ZDHHC18: variants seen among roughly 807,000 people sequenced by gnomAD.
The protein encoded by ZDHHC18 is zDHHC palmitoyltransferase 18, also known as palmitoyltransferase ZDHHC18.
Under a neutral mutation model 37.5 loss-of-function variants are expected in ZDHHC18, and 23 were observed. The observed-to-expected ratio is 0.61, with a 90% CI of 0.44 to 0.87. ZDHHC18 has a LOEUF of 0.87. Among genes scored for constraint, ZDHHC18 ranks in the 40% least tolerant of loss-of-function variants. The pLI, the probability that ZDHHC18 is intolerant of heterozygous loss-of-function variation, is 0.00. For missense variants in ZDHHC18, 406 were observed against 525.6 expected, an observed-to-expected ratio of 0.77 and a Z score of 2.22; for synonymous variants, 185 against 218.7, an observed-to-expected ratio of 0.85 and a Z score of 1.36.
intron 1 of ZDHHC18, among the ~76,000 whole-genome samples, chr1:26,831,100 G>A (rs2124246699): frequency 6.6e-6 from 1 of 152,292 alleles, no homozygotes; most frequent in Non-Finnish European, 1.5e-5. Context: ...GTTTTAGTGA[G>A]AGAAAAATAG....
At chr1:26,843,421 G>T (rs944262746) in intron 2 of ZDHHC18, among the ~76,000 whole-genome samples, 1 of 150,978 alleles carries the variant, frequency 6.6e-6, no homozygotes, top group Admixed American at 6.6e-5. Context: ...GATTACAGGC[G>T]TGAGCCACCG....
Position 26,851,127 on chromosome 1 carries a change from A to G in ZDHHC18, c.834-2A>G. The G allele has an allele frequency of 6.2e-7, 1 of 1,613,810 alleles. No individual in the cohort carries two copies. The highest frequency in any genetic ancestry group is 8.5e-7 in the Non-Finnish European group (1 of 1,179,730). ...CCCATTGAAGTCCTTAACTGCCCTCACCGTGCTGGAGTTGGTGATCTGCTT... is the reference window on the plus strand; with the variant it reads ...CCCATTGAAGTCCTTAACTGCCCTCGCCGTGCTGGAGTTGGTGATCTGCTT... On this transcript the variant is annotated splice_acceptor_variant, in intron 5 of 7. Transcript: ENST00000374142. LOFTEE classifies it high-confidence loss of function.
intron 1 of ZDHHC18, 92 bp from the exon 2 acceptor site, chr1:26,832,355 T>G (rs2081591857): frequency 1.3e-6 from 2 of 1,520,158 alleles, no homozygotes; most frequent in Admixed American, 1.9e-5. Context: ...TGGTGGTGGT[T>G]GTTGGAATGA....
rs1490184186 is a variant in ZDHHC18 at position 26,856,199 on chromosome 1, G to A, written c.*2356G>A. 2.2e-6 allele frequency: 1 copy of A among 454,718 alleles called. No individual in the cohort carries two copies. Among genetic ancestry groups the A allele is most frequent in the Non-Finnish European group, 4.4e-6 (1 of 225,740 alleles). The allele number at this position is 454,718 out of a possible 1,614,324, so 28.2% of individuals were successfully genotyped here. A position where few individuals can be genotyped will look rare whatever the true frequency, so the allele number is the denominator to read the frequency against. Reference sequence around the variant, plus strand: ...ATCTCCCTCAGGAGGACACCTGTCAGGATTTTGCCATCTCCTGCACAGCCT... The same window carrying A: ...ATCTCCCTCAGGAGGACACCTGTCAAGATTTTGCCATCTCCTGCACAGCCT... On this transcript the variant is annotated 3_prime_UTR_variant, in exon 8 of 8. Transcript: ENST00000374142. This position sits in a 1 kb window ranked among gnomAD's most constrained non-coding sequence, Gnocchi z 5.2.
intron 2 of ZDHHC18, among the ~76,000 whole-genome samples, chr1:26,842,008 A>C (rs546756547): frequency 6.6e-6 from 1 of 152,028 alleles, no homozygotes; most frequent in Non-Finnish European, 1.5e-5. Context: ...GGTTGCGGGC[A>C]CCTGTAATCC....
chr1:26,834,326 C>G (rs374853415), intron 2 of ZDHHC18, among the ~76,000 whole-genome samples: 1 of 152,208 alleles, frequency 6.6e-6, no homozygotes, highest in East Asian at 1.9e-4. Context: ...CCAGTGAGGG[C>G]GACCCTGTTA....
Position 26,854,130 on chromosome 1 carries a change from G to A in ZDHHC18, c.*287G>A. 1 of 382,458 alleles carries A rather than the reference G, an allele frequency of 2.6e-6. No homozygotes were observed. Among genetic ancestry groups the A allele is most frequent in the Non-Finnish European group, 4.9e-6 (1 of 204,842 alleles). The allele number at this position is 382,458 out of a possible 1,614,324, so 23.7% of individuals were successfully genotyped here. Reference sequence around the variant, plus strand: ...GGGACCACACCAAGTCCTTGCCTGTGCCGGGCGAGCCCTGTGTGAGTGAGG... The same window carrying A: ...GGGACCACACCAAGTCCTTGCCTGTACCGGGCGAGCCCTGTGTGAGTGAGG... On this transcript the variant is annotated 3_prime_UTR_variant, in exon 8 of 8. Coordinates refer to ENST00000374142, the MANE Select transcript of ZDHHC18 (RefSeq NM_032283.3). The surrounding 1 kb of genome is among the most constrained non-coding windows in gnomAD (Gnocchi z 4.6).
At chr1:26,832,944 C>T (rs1470699613) in intron 2 of ZDHHC18, among the ~76,000 whole-genome samples, 1 of 152,220 alleles carries the variant, frequency 6.6e-6, no homozygotes, top group Non-Finnish European at 1.5e-5. Context: ...TTGTCATTCT[C>T]CTTTTACTGA....
chr1:26,849,202 T>C (rs1387548532), intron 3 of ZDHHC18, among the ~76,000 whole-genome samples: 4 of 152,210 alleles, frequency 2.6e-5, no homozygotes, highest in Non-Finnish European at 4.4e-5. Flanking sequence ...GAAAAGCATC[T>C]AGCAACAGAG....
At chr1:26,844,101 G>T (rs1399097407) in intron 2 of ZDHHC18, among the ~76,000 whole-genome samples, 1 of 152,014 alleles carries the variant, frequency 6.6e-6, no homozygotes, top group Non-Finnish European at 1.5e-5. Flanking sequence ...GTGCAATGGC[G>T]TGATTTCAGC....
chr1:26,848,693 C>G lies in ZDHHC18; in HGVS notation c.582C>G (p.Cys194Trp). 6.2e-7 allele frequency: 1 copy of G among 1,614,184 alleles called. No homozygotes were observed. Among genetic ancestry groups the G allele is most frequent in the Non-Finnish European group, 8.5e-7 (1 of 1,180,010 alleles). The change falls in exon 3 of 8, where the codon TGC becomes TGG. Residue 194 changes from cysteine to tryptophan, a missense_variant. Transcript: ENST00000374142. Reference protein sequence around the residue: ...INGQMVKLKYCFTCKMFRPPR... With the variant: ...INGQMVKLKYWFTCKMFRPPR... ...GGCAGATGGTGAAGCTGAAGTACTG[C>G]TTCACCTGCAAGATGTTCCGGCCAC...
At chr1:26,853,060 T>A in intron 7 of ZDHHC18, 195 bp downstream of exon 7, 4 of 538,742 alleles carry the variant, frequency 7.4e-6, no homozygotes, top group South Asian at 2.3e-5. Context: ...AAAAAAAAAA[T>A]TAAGTACAAA....
intron 2 of ZDHHC18, among the ~76,000 whole-genome samples, chr1:26,836,071 T>C (rs1394406771): frequency 6.6e-6 from 1 of 152,160 alleles, no homozygotes; most frequent in Non-Finnish European, 1.5e-5. Context: ...TGCCGGCTGG[T>C]GGGCTGTGCA....
intron 2 of ZDHHC18, among the ~76,000 whole-genome samples, chr1:26,836,595 G>T: frequency 6.9e-6 from 1 of 144,348 alleles, no homozygotes; most frequent in Admixed American, 7.0e-5. Flanking sequence ...TTGAGACGGA[G>T]TCTTGCTCCG....
chr1:26,856,174 A>G lies in ZDHHC18; in HGVS notation c.*2331A>G, dbSNP rs1171732913. The stretch of plus-strand genomic sequence containing the variant: ...CATAACACTGGCCCACCTCTCTGGT[A>G]TCTCCCTCAGGAGGACACCTGTCAG... On this transcript the variant is annotated 3_prime_UTR_variant, in exon 8 of 8. Coordinates refer to ENST00000374142, the MANE Select transcript of ZDHHC18 (RefSeq NM_032283.3). This position sits in a 1 kb window ranked among gnomAD's most constrained non-coding sequence, Gnocchi z 5.2. 4.4e-6 allele frequency: 2 copies of G among 453,086 alleles called. No individual in the cohort carries two copies. Among genetic ancestry groups the G allele is most frequent in the Non-Finnish European group, 8.9e-6 (2 of 224,380 alleles). 28.1% of individuals were successfully genotyped at this position (453,086 alleles called of 1,614,324 possible). A position where few individuals can be genotyped will look rare whatever the true frequency, so the allele number is the denominator to read the frequency against.
rs542362079 is a variant in ZDHHC18, at chr1:26,852,941, C to T, written c.1049+76C>T. On this transcript the variant is annotated intron_variant, in intron 7 of 7. Transcript: ENST00000374142. Reference sequence around the variant, plus strand: ...GATCAAAGTGTTCCTGGATATCAGCCGACCTCCCCCTACACCCTAGATGCC... The same window carrying T: ...GATCAAAGTGTTCCTGGATATCAGCTGACCTCCCCCTACACCCTAGATGCC... 56 of 1,355,688 alleles carry T rather than the reference C, an allele frequency of 4.1e-5. No homozygotes were observed. The East Asian group carries it at 4.3e-4, about 10-fold the overall frequency. 84.0% of individuals were successfully genotyped at this position (1,355,688 alleles called of 1,614,324 possible).
chr1:26,827,176 CTGCCGCG>C, intron 1 of ZDHHC18, 37 bp downstream of exon 1: 1 of 1,324,114 alleles, frequency 7.6e-7, no homozygotes, highest in Non-Finnish European at 9.6e-7. Context: ...TCCCAGCCCC[CTGCCGCG>C]CACCCCACCT....
At position 26,850,304 on chromosome 1, in the gene ZDHHC18, G is replaced by A. The variant is rs1433563792; in HGVS notation, c.650G>A (p.Arg217Gln). Residue 217 changes from arginine to glutamine, a missense_variant, in exon 4 of 8, where the codon CGA (arginine) becomes CAA (glutamine). Physicochemically the swap from Arg to Gln is conservative, Grantham distance 43. Coordinates refer to ENST00000374142, the MANE Select transcript of ZDHHC18 (RefSeq NM_032283.3). The surrounding 1 kb of genome is among the most constrained non-coding windows in gnomAD (Gnocchi z 6.1). ...ATCGCCCCTTGCCCTTGTCCAGAAC[G>A]ATTTGACCATCACTGCCCCTGGGTG... is the stretch of plus-strand genomic sequence containing the variant. ...HCSVCDNCVERFDHHCPWVGN... is the reference protein window; with the variant it reads ...HCSVCDNCVEQFDHHCPWVGN... 7.4e-6 allele frequency: 12 copies of A among 1,614,020 alleles called. No individual in the cohort carries two copies. The highest frequency in any genetic ancestry group is 1.6e-4 in the Middle Eastern group (1 of 6,062).
intron 1 of ZDHHC18, 152 bp downstream of exon 1, chr1:26,827,291 C>T: frequency 3.3e-6 from 2 of 597,402 alleles, no homozygotes; most frequent in Non-Finnish European, 5.0e-6. Flanking sequence ...CTTGTCTGCC[C>T]CCCTGGCCCC....
Sources: gnomAD v4.1 joint callset for allele counts (sites outside exome capture counted in the v4.1 genomes callset) on GRCh38, gnomAD v4.1.1 for gene constraint, Gnocchi (gnomAD v3.1) non-coding constraint, MANE v1.5 for transcripts, NCBI Gene and HGNC (gene_info 2026-07-23, HGNC 2026-07-21) for gene names.